Variants in DDX10 observed in about 807,000 individuals in gnomAD.
The protein encoded by DDX10 is DEAD-box helicase 10.
A neutral mutation model predicts 104.3 loss-of-function variants in DDX10; 74 were observed. The ratio of observed to expected loss-of-function variants is 0.71; its 90% CI spans 0.59 to 0.86. DDX10 has a LOEUF of 0.86. DDX10 is among the 40% of genes least tolerant of loss of function. DDX10 has a pLI of 0.00. For missense variants in DDX10, 952 were observed against 1,040.0 expected (o/e 0.92, Z 1.16); for synonymous variants, 351 against 353.4 (o/e 0.99, Z 0.08).
intron 13 of DDX10, among the ~76,000 whole-genome samples, chr11:108,774,994 C>A (rs1451797388): frequency 6.6e-6 from 1 of 152,178 alleles, no homozygotes; most frequent in Non-Finnish European, 1.5e-5. Context: ...ACTTTTCTTA[C>A]CAGTCTGTGC....
intron 13 of DDX10, among the ~76,000 whole-genome samples, chr11:108,796,812 A>T (rs1861947214): frequency 6.6e-6 from 1 of 152,164 alleles, no homozygotes; most frequent in Non-Finnish European, 1.5e-5. Context: ...CACTGCCGTC[A>T]TGAATGGATT....
chr11:108,935,458 A>G (rs1349764094), intron 17 of DDX10, among the ~76,000 whole-genome samples: 2 of 152,210 alleles, frequency 1.3e-5, no homozygotes, highest in Non-Finnish European at 2.9e-5. Context: ...AGGCAAGACC[A>G]AGTGGTGCTT....
intron 10 of DDX10, among the ~76,000 whole-genome samples, chr11:108,714,895 T>C (rs1405104735): frequency 1.3e-5 from 2 of 152,078 alleles, no homozygotes; most frequent in African/African-American, 4.8e-5. Flanking sequence ...TGAAAGTCTC[T>C]AACTTTTCTT....
At chr11:108,890,619 G>C (rs1203841836) in intron 16 of DDX10, among the ~76,000 whole-genome samples, 6 of 150,476 alleles carry the variant, frequency 4.0e-5, no homozygotes. Flanking sequence ...TCAGAAACCC[G>C]TGGAGAGCTC....
At chr11:108,697,633 C>A (rs988982186) in intron 9 of DDX10, among the ~76,000 whole-genome samples, 18 of 151,990 alleles carry the variant, frequency 1.2e-4, no homozygotes, top group Non-Finnish European at 2.1e-4. Flanking sequence ...ACCAGCACAC[C>A]CCTTTTAACA....
intron 17 of DDX10, chr11:108,920,859 T>C (rs906667162): frequency 2.0e-5 from 3 of 152,218 alleles, no homozygotes; most frequent in Admixed American, 6.5e-5. Context: ...CCACTAGCAT[T>C]TGGGACAACT....
chr11:108,665,627 T>C (rs2094209161), intron 1 of DDX10, among the ~76,000 whole-genome samples: 1 of 152,106 alleles, frequency 6.6e-6, no homozygotes, highest in Non-Finnish European at 1.5e-5. Context: ...ATGACAATAG[T>C]GGTAATAATG....
chr11:108,780,496 G>T (rs567629441), intron 13 of DDX10, among the ~76,000 whole-genome samples: 4 of 152,134 alleles, frequency 2.6e-5, no homozygotes, highest in Admixed American at 6.6e-5. Context: ...TGCTTGGTTT[G>T]TTTCCAGTTT....
At chr11:108,928,708 A>C (rs964881704) in intron 17 of DDX10, among the ~76,000 whole-genome samples, 1 of 152,200 alleles carries the variant, frequency 6.6e-6, no homozygotes, top group South Asian at 2.1e-4. Flanking sequence ...TTACCTTGCA[A>C]AGTTACTGTG....
chr11:108,862,501 CAATT>C (rs779919361), intron 16 of DDX10, among the ~76,000 whole-genome samples: 7 of 152,186 alleles, frequency 4.6e-5, no homozygotes, highest in Non-Finnish European at 1.0e-4. Flanking sequence ...CTATGAAAGA[CAATT>C]AATAATTTAT....
intron 13 of DDX10, among the ~76,000 whole-genome samples, chr11:108,767,067 T>C (rs1267066498): frequency 6.6e-6 from 1 of 152,104 alleles, no homozygotes; most frequent in Middle Eastern, 3.4e-3. Flanking sequence ...TATTGGAGAG[T>C]CAAAAGAAAA....
chr11:108,901,491 G>A (rs750487021), intron 16 of DDX10, among the ~76,000 whole-genome samples: 5 of 152,126 alleles, frequency 3.3e-5, no homozygotes, highest in Admixed American at 2.0e-4. Context: ...ATGAGCCTAC[G>A]TACGTCTTCT....
intron 9 of DDX10, among the ~76,000 whole-genome samples, chr11:108,701,199 G>C (rs1337986758): frequency 1.3e-5 from 2 of 151,824 alleles, no homozygotes; most frequent in African/African-American, 4.8e-5. Context: ...CTTTTTCTTG[G>C]AATAAGCTCT....
intron 10 of DDX10, among the ~76,000 whole-genome samples, chr11:108,710,231 G>C (rs908918268): frequency 6.6e-6 from 1 of 152,178 alleles, no homozygotes; most frequent in African/African-American, 2.4e-5. Flanking sequence ...TACAAGTGTA[G>C]ACTTGGTAAA....
intron 13 of DDX10, among the ~76,000 whole-genome samples, chr11:108,826,683 C>A (rs1211994475): frequency 6.6e-6 from 1 of 152,146 alleles, no homozygotes; most frequent in Non-Finnish European, 1.5e-5. Context: ...CGGTGACTTG[C>A]AGCAGGGCCA....
chr11:108,905,104 A>T (rs1863572520), intron 16 of DDX10, among the ~76,000 whole-genome samples: 1 of 151,936 alleles, frequency 6.6e-6, no homozygotes, highest in African/African-American at 2.4e-5. Context: ...CTCCCCACAA[A>T]ATGTGTTATG....
intron 17 of DDX10, chr11:108,921,926 C>T (rs1314433123): frequency 3.3e-5 from 5 of 151,090 alleles, no homozygotes; most frequent in Admixed American, 6.6e-5. Flanking sequence ...CCACTGCACT[C>T]CAGCCTGTGC....
At chr11:108,762,922 G>A (rs766150255) in intron 13 of DDX10, among the ~76,000 whole-genome samples, 1 of 151,990 alleles carries the variant, frequency 6.6e-6, no homozygotes. Flanking sequence ...GCTTTCCTTC[G>A]CTGTATGTAG....
At chr11:108,933,902 C>CA (rs1384774914) in intron 17 of DDX10, among the ~76,000 whole-genome samples, 1 of 152,186 alleles carries the variant, frequency 6.6e-6, no homozygotes, top group Non-Finnish European at 1.5e-5. Context: ...TTATTCATGT[C>CA]TTCAAGAAAC....
Sources: allele counts gnomAD v4.1 joint callset (sites outside exome capture counted in the v4.1 genomes callset), GRCh38; gene constraint gnomAD v4.1.1; transcripts MANE v1.5; gene names NCBI Gene and HGNC (gene_info 2026-07-23, HGNC 2026-07-21).